Variants in RASSF5 observed in about 807,000 individuals in gnomAD.
RASSF5 encodes Ras association domain family member 5, also known as ras association domain-containing protein 5.
Under a neutral mutation model 40.5 loss-of-function variants are expected in RASSF5, and 25 were observed. The ratio of observed to expected loss-of-function variants is 0.62; its 90% CI spans 0.45 to 0.86. The LOEUF (loss-of-function observed/expected upper bound fraction) is 0.86. Among genes scored for constraint, RASSF5 ranks in the 40% least tolerant of loss-of-function variants. The pLI is 0.00. For missense variants in RASSF5, 521 were observed against 572.8 expected, an observed-to-expected ratio of 0.91 and a Z score of 0.92; for synonymous variants, 246 against 252.4, an observed-to-expected ratio of 0.97 and a Z score of 0.24.
intron 5 of RASSF5, chr1:206,585,881 T>G (rs1373007339): frequency 6.6e-6 from 1 of 152,360 alleles, no homozygotes; most frequent in Non-Finnish European, 1.5e-5. Flanking sequence ...CTGCGGAGAT[T>G]TAGGGATCAA....
Position 206,584,363 on chromosome 1 carries a change from C to T in RASSF5, c.691-24C>T. ...CATGCAAGGCGGACGGCCCTGACCC[C>T]CTGTGACATGCCCCCGCTGGCAGAG... On this transcript the variant is annotated intron_variant, in intron 3 of 5. Coordinates refer to ENST00000579436, the MANE Select transcript of RASSF5 (RefSeq NM_182663.4). This position sits in a 1 kb window ranked among gnomAD's most constrained non-coding sequence, Gnocchi z 4.9. 6.3e-7 allele frequency: 1 copy of T among 1,594,274 alleles called. No individual in the cohort carries two copies. The highest frequency in any genetic ancestry group is 1.7e-5 in the Admixed American group (1 of 58,972).
rs115802123 is a variant in RASSF5, at chr1:206,589,343, G to A, written c.*2365G>A. The A allele has an allele frequency of 0.017, 2,616 of 152,864 alleles. 45 individuals are homozygous for A. Among genetic ancestry groups the A allele is most frequent in the South Asian group, 0.073 (351 of 4,828 alleles). The allele number at this position is 152,864 out of a possible 1,614,324, so 9.5% of individuals were successfully genotyped here. On this transcript the variant is annotated 3_prime_UTR_variant, in exon 6 of 6. Coordinates refer to ENST00000579436, the MANE Select transcript of RASSF5 (RefSeq NM_182663.4). ...ACACTGGGAGCGGGGGAGAGAGGGT[G>A]AGAATGGACATGATCACATGCTTCC...
At chr1:206,521,500 A>G (rs1666906512) in intron 1 of RASSF5, among the ~76,000 whole-genome samples, 1 of 152,154 alleles carries the variant, frequency 6.6e-6, no homozygotes, top group South Asian at 2.1e-4. Context: ...CGGTGCATTC[A>G]TATCTGTATT....
At chr1:206,556,625 C>T (rs1375583443) in intron 2 of RASSF5, among the ~76,000 whole-genome samples, 1 of 152,182 alleles carries the variant, frequency 6.6e-6, no homozygotes. Flanking sequence ...TCCTGAGGGC[C>T]AAGTTCTATG....
At chr1:206,546,985 C>T (rs963373896) in intron 2 of RASSF5, among the ~76,000 whole-genome samples, 5 of 152,074 alleles carry the variant, frequency 3.3e-5, no homozygotes, top group Non-Finnish European at 5.9e-5. Context: ...TAGTATAAAA[C>T]CCTGGCTAGG....
intron 1 of RASSF5, among the ~76,000 whole-genome samples, chr1:206,527,358 T>A (rs1667122462): frequency 6.6e-6 from 1 of 152,132 alleles, no homozygotes; most frequent in Admixed American, 6.6e-5. Context: ...GCTGGGCCTC[T>A]TTGAGTGGGG....
intron 1 of RASSF5, among the ~76,000 whole-genome samples, chr1:206,534,611 C>A (rs2103520092): frequency 6.6e-6 from 1 of 152,310 alleles, no homozygotes; most frequent in South Asian, 2.1e-4. Context: ...GCCCTCCCTG[C>A]CTGTTCTGGC....
chr1:206,547,933 T>G (rs1553400511), intron 2 of RASSF5, among the ~76,000 whole-genome samples: 2 of 152,210 alleles, frequency 1.3e-5, no homozygotes, highest in Non-Finnish European at 2.9e-5. Context: ...CTTTAACATT[T>G]CTTGTATTTG....
chr1:206,548,889 A>T lies in RASSF5; in HGVS notation c.579+10596A>T, dbSNP rs554281726. On this transcript the variant is annotated intron_variant, in intron 2 of 5. Coordinates refer to ENST00000579436, the MANE Select transcript of RASSF5 (RefSeq NM_182663.4). The stretch of plus-strand genomic sequence containing the variant: ...GTTTTGTTTTATTTTGTTTTGAGAC[A>T]GAGTCTCGCTCTGTTGCCCGGGCTG... Among the ~76,000 whole-genome samples, 3 of 152,228 alleles carry T rather than the reference A, an allele frequency of 2.0e-5. 1 individual carries two copies. The South Asian group carries it at 6.2e-4, about 32-fold the overall frequency.
intron 1 of RASSF5, among the ~76,000 whole-genome samples, chr1:206,511,255 C>T (rs1246738955): frequency 2.6e-5 from 4 of 152,114 alleles, no homozygotes; most frequent in African/African-American, 9.7e-5. Context: ...ATGGTGATGG[C>T]GAGAATGCAT....
rs150269952 is a variant in RASSF5, at chr1:206,526,352, C to T, written c.458-11820C>T. On this transcript the variant is annotated intron_variant, in intron 1 of 5. Coordinates refer to ENST00000579436, the MANE Select transcript of RASSF5 (RefSeq NM_182663.4). The stretch of plus-strand genomic sequence containing the variant: ...AGCAGTTGTGTGCCTCCAGGCCCTC[C>T]GGGCTGGGCTGCAGGATGCTGAATG... Among the ~76,000 whole-genome samples, 72 of 149,170 alleles carry T rather than the reference C, an allele frequency of 4.8e-4. 1 individual carries two copies. The East Asian group carries it at 6.3e-3, about 13-fold the overall frequency.
intron 2 of RASSF5, among the ~76,000 whole-genome samples, chr1:206,551,911 G>A (rs76407519): frequency 0.01 from 1,544 of 152,324 alleles, 29 homozygotes; most frequent in African/African-American, 0.035. Flanking sequence ...CCCAGAGAGG[G>A]GCACATCAGG....
chr1:206,572,101 A>G (rs986968992), intron 2 of RASSF5, among the ~76,000 whole-genome samples: 48 of 152,236 alleles, frequency 3.2e-4, no homozygotes, highest in African/African-American at 1.2e-3. Flanking sequence ...AAATGGGTCC[A>G]TGGACCAGCA....
At position 206,559,708 on chromosome 1, in the gene RASSF5, G is replaced by T. The variant is rs892368569; in HGVS notation, c.579+21415G>T. Among the ~76,000 whole-genome samples, 6 of 152,188 alleles carry T rather than the reference G, an allele frequency of 3.9e-5. No homozygotes were observed. In the South Asian group the frequency reaches 1.2e-3, roughly 31 times the overall value. ...ACTCCTTTTACTGAACCCCAGAGAG[G>T]GTGATCAGGGATAAATGCTTCAGGG... On this transcript the variant is annotated intron_variant, in intron 2 of 5. Coordinates refer to ENST00000579436, the MANE Select transcript of RASSF5 (RefSeq NM_182663.4).
rs1668971346 is a variant in RASSF5 at position 206,583,364 on chromosome 1, C to T, written c.675C>T (p.Cys225=). The change falls in exon 3 of 6, where the codon TGC becomes TGT. Residue 225 remains cysteine, a synonymous_variant. Coordinates refer to ENST00000579436, the MANE Select transcript of RASSF5 (RefSeq NM_182663.4). The part of the protein sequence containing the change: ...IDSYNTREKN[C]LGMKLSEDGT... ...GCTACAACACGCGAGAGAAGAACTG[C>T]CTGGGCATGAAACTGGTAAGCGCCC... The T allele has an allele frequency of 1.2e-6, 2 of 1,611,700 alleles. No individual in the cohort carries two copies. The highest frequency in any genetic ancestry group is 4.5e-5 in the East Asian group (2 of 44,854).
In RASSF5 at chr1:206,586,924, G is replaced by A; in HGVS notation, c.1203G>A (p.Lys401=). The change falls in exon 6 of 6, where the codon AAG becomes AAA. Residue 401 remains lysine, a synonymous_variant. Transcript: ENST00000579436. ...KIQQVQKKYD[K]FRQKLEEALR... ...AACAAGTGCAAAAGAAGTATGACAAGTTTAGGCAGAAACTGGAGGAGGCCT... is the reference window on the plus strand; with the variant it reads ...AACAAGTGCAAAAGAAGTATGACAAATTTAGGCAGAAACTGGAGGAGGCCT... The A allele has an allele frequency of 6.2e-7, 1 of 1,614,226 alleles. No homozygotes were observed. The highest frequency in any genetic ancestry group is 8.5e-7 in the Non-Finnish European group (1 of 1,180,026).
Position 206,552,975 on chromosome 1 carries a change from A to G in RASSF5, c.579+14682A>G, listed in dbSNP as rs1427573080. On this transcript the variant is annotated intron_variant, in intron 2 of 5. Coordinates refer to ENST00000579436, the MANE Select transcript of RASSF5 (RefSeq NM_182663.4). The surrounding 1 kb of genome is among the most constrained non-coding windows in gnomAD (Gnocchi z 4.1). The stretch of plus-strand genomic sequence containing the variant: ...TCCCAGCACTTTGGGAGGCCGAGGC[A>G]GGCAGATCACGAGGTCAGGAGATCG... Among the ~76,000 whole-genome samples, 1 of 152,148 alleles carries G rather than the reference A, an allele frequency of 6.6e-6. No homozygotes were observed. Among genetic ancestry groups the G allele is most frequent in the Admixed American group, 6.5e-5 (1 of 15,268 alleles).
At chr1:206,518,532 C>T (rs991139473) in intron 1 of RASSF5, 72 of 398,294 alleles carry the variant, frequency 1.8e-4, no homozygotes, top group Admixed American at 5.3e-4. Context: ...CAACGGGGCC[C>T]GGAGGGCTCG....
intron 1 of RASSF5, among the ~76,000 whole-genome samples, chr1:206,517,326 T>A (rs191951041): frequency 6.6e-6 from 1 of 151,876 alleles, no homozygotes; most frequent in Admixed American, 6.6e-5. Context: ...AATATAAAAA[T>A]TAGCTGGGTG....
Sources: allele counts gnomAD v4.1 joint callset (sites outside exome capture counted in the v4.1 genomes callset), GRCh38; gene constraint gnomAD v4.1.1; non-coding constraint Gnocchi (gnomAD v3.1); transcripts MANE v1.5; gene names NCBI Gene and HGNC (gene_info 2026-07-23, HGNC 2026-07-21).